Variants in HIVEP3 observed in about 807,000 individuals in gnomAD.
HIVEP3 encodes transcription factor HIVEP3.
In HIVEP3, 49 loss-of-function variants were observed where a neutral mutation model predicts 152.8. That is an observed-to-expected ratio of 0.32 (90% CI 0.26 to 0.41). The LOEUF is 0.41. Ranked by LOEUF, HIVEP3 falls within the 10% of genes least tolerant of loss-of-function variation. The probability of loss-of-function intolerance (pLI) is 1.00; values close to 1 mark genes in which losing one functional copy is unlikely to be tolerated. For synonymous variants in HIVEP3, 1,269 were observed against 1,289.0 expected (o/e 0.98, Z 0.33); for missense variants, 2,790 against 3,103.3 (o/e 0.90, Z 2.40).
At position 41,718,759 on chromosome 1, in the gene HIVEP3, TTCTC is replaced by T. The variant is rs934151822; in HGVS notation, c.-800-17768_-800-17765del. Among the ~76,000 whole-genome samples, 10 of 149,478 alleles carry T rather than the reference TTCTC, an allele frequency of 6.7e-5. No homozygotes were observed. In the South Asian group the frequency reaches 2.1e-3, roughly 31 times the overall value. The stretch of plus-strand genomic sequence containing the variant: ...CCTCTGTCTCTGTCTCTCTCTTTCT[TTCTC>T]TCTTTCACACCCACACACACACACA... On this transcript the variant is annotated intron_variant, in intron 1 of 8. Coordinates refer to ENST00000372583, the MANE Select transcript of HIVEP3 (RefSeq NM_024503.5).
chr1:41,881,765 A>G (rs969910739), intron 1 of HIVEP3, among the ~76,000 whole-genome samples: 1 of 152,206 alleles, frequency 6.6e-6, no homozygotes, highest in Admixed American at 6.5e-5. Context: ...ACGGTATTAA[A>G]CATTAAAATC....
chr1:41,767,619 T>C lies in HIVEP3; in HGVS notation c.-800-66624A>G, dbSNP rs1231254649. Among the ~76,000 whole-genome samples the C allele has an allele frequency of 2.0e-5, 3 of 152,382 alleles. No homozygotes were observed. In the East Asian group the frequency reaches 5.8e-4, roughly 29 times the overall value. On this transcript the variant is annotated intron_variant, in intron 1 of 8. Coordinates refer to ENST00000372583, the MANE Select transcript of HIVEP3 (RefSeq NM_024503.5). ...ACTCATGGAATCTTAGCCTGCATTT[T>C]TGCTGTGCTTCCCAGAGCTGAAGGA...
chr1:41,597,910 T>C (rs1157943661), intron 3 of HIVEP3, among the ~76,000 whole-genome samples: 1 of 152,232 alleles, frequency 6.6e-6, no homozygotes, highest in Non-Finnish European at 1.5e-5. Context: ...CAGATGCTTG[T>C]AGCTAATTCA....
chr1:41,766,727 C>G (rs1392418205), intron 1 of HIVEP3, among the ~76,000 whole-genome samples: 1 of 152,232 alleles, frequency 6.6e-6, no homozygotes, highest in Admixed American at 6.5e-5. Flanking sequence ...GGCAGTGCAT[C>G]TACTTTGGTT....
At chr1:41,530,004 G>T (rs1643197061) in intron 5 of HIVEP3, among the ~76,000 whole-genome samples, 1 of 132,902 alleles carries the variant, frequency 7.5e-6, no homozygotes, top group African/African-American at 3.0e-5. Flanking sequence ...CACACACTTA[G>T]ACTCATTTGC....
At chr1:41,569,029 C>G (rs1022032242) in intron 5 of HIVEP3, among the ~76,000 whole-genome samples, 1 of 152,182 alleles carries the variant, frequency 6.6e-6, no homozygotes, top group Non-Finnish European at 1.5e-5. Flanking sequence ...CGCTCTTGCT[C>G]CTGCTCCAGC....
chr1:41,834,905 T>C (rs1324328346), intron 1 of HIVEP3, among the ~76,000 whole-genome samples: 1 of 152,056 alleles, frequency 6.6e-6, no homozygotes, highest in African/African-American at 2.4e-5. Context: ...GGTGGGAATG[T>C]GCTTGGGGAC....
chr1:41,883,478 C>G (rs756252252), intron 1 of HIVEP3, among the ~76,000 whole-genome samples: 1 of 152,186 alleles, frequency 6.6e-6, no homozygotes, highest in Non-Finnish European at 1.5e-5. Flanking sequence ...CAGGCACTCT[C>G]CTGCGAAATG....
At chr1:41,936,224 A>G (rs928347878) in intron 1 of HIVEP3, among the ~76,000 whole-genome samples, 2 of 152,150 alleles carry the variant, frequency 1.3e-5, no homozygotes, top group African/African-American at 4.8e-5. Flanking sequence ...TTCCCAACCT[A>G]TTGCAAGTCA....
At position 41,581,143 on chromosome 1, in the gene HIVEP3, G is replaced by T. The variant is rs1438070310; in HGVS notation, c.3655C>A (p.Gln1219Lys). Residue 1219 changes from glutamine to lysine, a missense_variant, in exon 4 of 9, where the codon CAG becomes AAG. Physicochemically the swap from Gln to Lys is moderately conservative, Grantham distance 53. Transcript: ENST00000372583. This position sits in a 1 kb window ranked among gnomAD's most constrained non-coding sequence, Gnocchi z 4.5. The stretch of plus-strand genomic sequence containing the variant: ...GGCATGGGGAGGAAGGAAGGGGGCT[G>T]CCTGAAGGGGATGTTGGCTGGGTGA... ...MPHPANIPFR[Q>K]PPSFLPMPYP... 2.6e-6 allele frequency: 4 copies of T among 1,548,902 alleles called. No homozygotes were observed. The highest frequency in any genetic ancestry group is 1.3e-5 in the South Asian group (1 of 79,776).
intron 1 of HIVEP3, among the ~76,000 whole-genome samples, chr1:41,870,351 A>C (rs147361304): frequency 2.6e-5 from 4 of 152,180 alleles, no homozygotes; most frequent in African/African-American, 7.2e-5. Flanking sequence ...TCGACTTATC[A>C]CTCTCTCTTT....
At chr1:41,830,470 ACT>A (rs1285369671) in intron 1 of HIVEP3, among the ~76,000 whole-genome samples, 5 of 152,076 alleles carry the variant, frequency 3.3e-5, no homozygotes, top group African/African-American at 1.2e-4. Flanking sequence ...GCATGGAGCC[ACT>A]CATTCTTCTG....
In HIVEP3 at chr1:41,551,337, C is replaced by CTT. The variant is rs34807984; in HGVS notation, c.5207+24205_5207+24206dup. ...ATCAGGGATATTGGTCTAAAATTCT[C>CTT]TTTTTTTTTGTTGTGTCTCTTCCAG... is the stretch of plus-strand genomic sequence containing the variant. On this transcript the variant is annotated intron_variant, in intron 5 of 8. Transcript: ENST00000372583. 6.0e-3 allele frequency among the ~76,000 whole-genome samples: 903 copies of CTT among 150,720 alleles called. 6 individuals carry two copies. Among genetic ancestry groups the CTT allele is most frequent in the African/African-American group, 0.018 (745 of 41,124 alleles).
At chr1:41,793,645 G>A (rs1232178243) in intron 1 of HIVEP3, among the ~76,000 whole-genome samples, 2 of 152,170 alleles carry the variant, frequency 1.3e-5, no homozygotes, top group Non-Finnish European at 2.9e-5. Context: ...AACATGTGAT[G>A]AAATATATTC....
intron 1 of HIVEP3, among the ~76,000 whole-genome samples, chr1:41,769,666 A>G (rs1468470529): frequency 6.6e-6 from 1 of 152,248 alleles, no homozygotes; most frequent in Non-Finnish European, 1.5e-5. Flanking sequence ...AAAAGCTTCC[A>G]ATGATCAAAA....
chr1:41,619,000 C>T (rs1645007926), intron 3 of HIVEP3, among the ~76,000 whole-genome samples: 1 of 152,214 alleles, frequency 6.6e-6, no homozygotes, highest in African/African-American at 2.4e-5. Flanking sequence ...TAGCTGGCCT[C>T]GGGCTGCTGC....
upstream of HIVEP3, among the ~76,000 whole-genome samples, chr1:41,922,122 G>A (rs1644945096): frequency 6.6e-6 from 1 of 152,158 alleles, no homozygotes; most frequent in Admixed American, 6.5e-5. Context: ...AAAGTCTTTA[G>A]GCCTTAGATC....
intron 2 of HIVEP3, among the ~76,000 whole-genome samples, chr1:41,693,233 G>GT (rs1646222585): frequency 6.6e-6 from 1 of 152,196 alleles, no homozygotes; most frequent in Non-Finnish European, 1.5e-5. Context: ...GAGTTGAAAG[G>GT]TGGGGACATT....
intron 1 of HIVEP3, among the ~76,000 whole-genome samples, chr1:41,808,474 C>T (rs1202080389): frequency 1.3e-5 from 2 of 152,242 alleles, no homozygotes; most frequent in Non-Finnish European, 2.9e-5. Flanking sequence ...AAGCACTTGT[C>T]ACAGTCCAGT....
Sources: gnomAD v4.1 joint callset for allele counts (sites outside exome capture counted in the v4.1 genomes callset) on GRCh38, gnomAD v4.1.1 for gene constraint, Gnocchi (gnomAD v3.1) non-coding constraint, MANE v1.5 for transcripts, NCBI Gene and HGNC (gene_info 2026-07-23, HGNC 2026-07-21) for gene names.